The following TMLHE variants were observed in gnomAD, a reference collection of about 807,000 sequenced individuals.
TMLHE encodes the protein trimethyllysine dioxygenase, mitochondrial.
Under a neutral mutation model 25.7 loss-of-function variants are expected in TMLHE, and 18 were observed. The ratio of observed to expected loss-of-function variants is 0.70; its 90% CI spans 0.48 to 1.04. The LOEUF (loss-of-function observed/expected upper bound fraction) is 1.04, where lower values mean the gene tolerates loss of function less well. Ranked by LOEUF, TMLHE falls within the 50% of genes least tolerant of loss-of-function variation. The probability of loss-of-function intolerance (pLI) is 0.00; values close to 1 mark genes in which losing one functional copy is unlikely to be tolerated. For synonymous variants in TMLHE, 105 were observed against 97.0 expected (o/e 1.08, Z -0.49); for missense variants, 236 against 259.0 (o/e 0.91, Z 0.61).
chrX:155,529,723 G>A (rs898566045), intron 2 of TMLHE, among the ~76,000 whole-genome samples: 2 of 112,052 alleles, frequency 1.8e-5, no homozygotes, highest in East Asian at 5.6e-4. Context: ...TGAGTTGTAT[G>A]AATTCTTTAT....
chrX:155,555,507 G>A lies in TMLHE; in HGVS notation c.-1-10230C>T, dbSNP rs7886762. Among the ~76,000 whole-genome samples, 12 of 110,358 alleles carry A rather than the reference G, an allele frequency of 1.1e-4. 1 individual carries two copies. The highest frequency in any genetic ancestry group is 5.8e-4 in the Admixed American group (6 of 10,408). ...ACAGTCCCACCAACAGCGTAAAAGT[G>A]TTCCTATTTCTCCACATCCTCTCCA... On this transcript the variant is annotated intron_variant, in intron 1 of 7. Transcript: ENST00000334398.
At chrX:155,547,167 C>T (rs886493449) in intron 1 of TMLHE, among the ~76,000 whole-genome samples, 12 of 102,004 alleles carry the variant, frequency 1.2e-4, no homozygotes, top group Non-Finnish European at 2.4e-4. Context: ...TTTTTTGAGA[C>T]GGAGTCTTGC....
chrX:155,600,883 C>A (rs1557347172), intron 1 of TMLHE, among the ~76,000 whole-genome samples: 1 of 111,940 alleles, frequency 8.9e-6, no homozygotes, highest in East Asian at 2.8e-4. Flanking sequence ...CCCTCACTGG[C>A]AGAAGGTGTT....
intron 1 of TMLHE, among the ~76,000 whole-genome samples, chrX:155,597,325 T>A (rs2124492050): frequency 9.1e-6 from 1 of 110,399 alleles, no homozygotes; most frequent in African/African-American, 3.3e-5. Context: ...AGAATGGCGA[T>A]CATTAAAAAG....
intron 1 of TMLHE, among the ~76,000 whole-genome samples, chrX:155,545,914 G>T (rs1377827797): frequency 9.0e-6 from 1 of 110,622 alleles, no homozygotes; most frequent in African/African-American, 3.3e-5. Flanking sequence ...GCATTTCTCA[G>T]AATGTATCCC....
chrX:155,545,091 C>T lies in TMLHE; in HGVS notation c.181+5G>A. 8.3e-7 allele frequency: 1 copy of T among 1,208,004 alleles called. No individual in the cohort carries two copies. Among genetic ancestry groups the T allele is most frequent in the Non-Finnish European group, 1.1e-6 (1 of 893,654 alleles). On this transcript the variant is annotated splice_donor_5th_base_variant and intron_variant, in intron 2 of 7. Coordinates refer to ENST00000334398, the MANE Select transcript of TMLHE (RefSeq NM_018196.4). Reference sequence around the variant, plus strand: ...AAAAAGTATCTGTCTTCACACATCTCTTACCAAAATGATCTTCATGTTGCT... The same window carrying T: ...AAAAAGTATCTGTCTTCACACATCTTTTACCAAAATGATCTTCATGTTGCT...
At chrX:155,548,457 T>C (rs78455779) in intron 1 of TMLHE, among the ~76,000 whole-genome samples, 1,421 of 110,761 alleles carry the variant, frequency 0.013, 23 homozygotes, top group South Asian at 0.059. Context: ...TCCTACAGGC[T>C]GGGCACGGTG....
chrX:155,549,762 T>C (rs1338471468), intron 1 of TMLHE, among the ~76,000 whole-genome samples: 1 of 109,998 alleles, frequency 9.1e-6, no homozygotes, highest in Non-Finnish European at 1.9e-5. Flanking sequence ...AGTTCTGGGA[T>C]ACATGTGCAG....
At chrX:155,541,390 G>A (rs966262905) in intron 2 of TMLHE, among the ~76,000 whole-genome samples, 2 of 111,306 alleles carry the variant, frequency 1.8e-5, no homozygotes, top group Non-Finnish European at 3.8e-5. Flanking sequence ...CTTTTTTATG[G>A]CTCTATAGTA....
At chrX:155,541,260 T>C (rs1410698145) in intron 2 of TMLHE, among the ~76,000 whole-genome samples, 2 of 110,909 alleles carry the variant, frequency 1.8e-5, no homozygotes, top group Non-Finnish European at 3.8e-5. Context: ...GTGTCCTCAT[T>C]GTTCAACTCC....
At chrX:155,589,118 G>A (rs933369234) in intron 1 of TMLHE, among the ~76,000 whole-genome samples, 1 of 111,564 alleles carries the variant, frequency 9.0e-6, no homozygotes, top group South Asian at 3.7e-4. Flanking sequence ...GAAAAATTTG[G>A]TATATATACA....
At chrX:155,578,591 G>A (rs1402798935) in intron 1 of TMLHE, among the ~76,000 whole-genome samples, 1 of 112,045 alleles carries the variant, frequency 8.9e-6, no homozygotes, top group South Asian at 3.8e-4. Flanking sequence ...GGTTGTAGGA[G>A]GATGCCCCAT....
intron 1 of TMLHE, among the ~76,000 whole-genome samples, chrX:155,573,520 G>A (rs1557343458): frequency 3.6e-5 from 2 of 56,132 alleles, no homozygotes; most frequent in African/African-American, 8.5e-5. Context: ...GCTGCTATAA[G>A]GACCCATGCA....
At chrX:155,549,697 C>T (rs2067399611) in intron 1 of TMLHE, among the ~76,000 whole-genome samples, 1 of 109,333 alleles carries the variant, frequency 9.1e-6, no homozygotes, top group African/African-American at 3.4e-5. Flanking sequence ...GTGTGTGTGT[C>T]ATCTTTATCA....
intron 1 of TMLHE, among the ~76,000 whole-genome samples, chrX:155,548,064 C>G (rs920382861): frequency 5.4e-5 from 6 of 111,588 alleles, no homozygotes; most frequent in Admixed American, 2.9e-4. Context: ...GAATGAGACC[C>G]CTACCTCTTG....
intron 6 of TMLHE, among the ~76,000 whole-genome samples, chrX:155,504,967 G>T (rs782762649): frequency 3.0e-4 from 33 of 111,178 alleles, no homozygotes; most frequent in African/African-American, 1.0e-3. Context: ...TATATGCATT[G>T]GTCAAAACTC....
At position 155,581,067 on chromosome X, in the gene TMLHE, A is replaced by G. The variant is rs140634388; in HGVS notation, c.-2+31725T>C. 2.3e-4 allele frequency among the ~76,000 whole-genome samples: 26 copies of G among 112,276 alleles called. No homozygotes were observed. In the East Asian group the frequency reaches 6.7e-3, roughly 29 times the overall value. On this transcript the variant is annotated intron_variant, in intron 1 of 7. Coordinates refer to ENST00000334398, the MANE Select transcript of TMLHE (RefSeq NM_018196.4). ...CCATCATTTAAACAGAACCAAAGAC[A>G]AAAACCACATGATTATCTCAATAGA...
At chrX:155,606,904 C>G (rs1368425291) in intron 1 of TMLHE, among the ~76,000 whole-genome samples, 2 of 110,399 alleles carry the variant, frequency 1.8e-5, no homozygotes, top group African/African-American at 6.6e-5. Context: ...ATATAACCTC[C>G]TAAGACTGAA....
At chrX:155,524,059 G>A (rs112420352) in intron 3 of TMLHE, among the ~76,000 whole-genome samples, 7 of 111,570 alleles carry the variant, frequency 6.3e-5, no homozygotes, top group African/African-American at 2.3e-4. Context: ...ATTACTTGAG[G>A]TAGTCTATGT....
Sources: allele counts gnomAD v4.1 joint callset (sites outside exome capture counted in the v4.1 genomes callset), GRCh38; gene constraint gnomAD v4.1.1; transcripts MANE v1.5; gene names NCBI Gene and HGNC (gene_info 2026-07-23, HGNC 2026-07-21).